The following SEC31B variants were observed in gnomAD, a reference collection of about 807,000 sequenced individuals.
SEC31B encodes the protein protein transport protein Sec31B.
A neutral mutation model predicts 135.0 loss-of-function variants in SEC31B; 113 were observed. The observed-to-expected ratio is 0.84, with a 90% confidence interval of 0.72 to 0.98. The LOEUF is 0.98. Among genes scored for constraint, SEC31B ranks in the 50% least tolerant of loss-of-function variants. The pLI, the probability that SEC31B is intolerant of heterozygous loss-of-function variation, is 0.00. For missense variants in SEC31B, 1,296 were observed against 1,421.1 expected (o/e 0.91, Z 1.42); for synonymous variants, 508 against 549.4 (o/e 0.92, Z 1.05).
In SEC31B at chr10:100,495,466, G is replaced by A. The variant is rs139344402; in HGVS notation, c.2391C>T (p.Pro797=). Residue 797 remains proline (P), a synonymous_variant, in exon 19 of 26, where the codon CCC becomes CCT. Coordinates refer to ENST00000370345, the MANE Select transcript of SEC31B (RefSeq NM_015490.4). The part of the protein sequence containing the change: ...AVLGQQSPPF[P]FPRIVVGATL... ...TAGCTCCCACAACAATCCGGGGGAA[G>A]GGGAAAGGGGGAGACTGTTGGCCCA... is the stretch of plus-strand genomic sequence containing the variant. The A allele has an allele frequency of 6.2e-7, 1 of 1,613,878 alleles. No individual in the cohort carries two copies. Among genetic ancestry groups the A allele is most frequent in the Non-Finnish European group, 8.5e-7 (1 of 1,179,912 alleles).
intron 19 of SEC31B, chr10:100,495,160 C>T: frequency 1.9e-6 from 1 of 524,536 alleles, no homozygotes; most frequent in South Asian, 2.0e-5. Context: ...TATCTTTCGA[C>T]TACACTATGA....
intron 3 of SEC31B, among the ~76,000 whole-genome samples, chr10:100,512,353 T>C (rs1851751685): frequency 6.6e-6 from 1 of 152,196 alleles, no homozygotes; most frequent in African/African-American, 2.4e-5. Context: ...CCTCAGTCGA[T>C]GATATAAACA....
At chr10:100,516,740 T>G in intron 2 of SEC31B, 134 bp downstream of exon 2, 1 of 670,450 alleles carries the variant, frequency 1.5e-6, no homozygotes, top group East Asian at 2.9e-5. Flanking sequence ...AATATCTCCT[T>G]GCTTATGCTG....
At chr10:100,497,097 T>C in intron 17 of SEC31B, 38 bp downstream of exon 17, 1 of 1,603,296 alleles carries the variant, frequency 6.2e-7, no homozygotes, top group Non-Finnish European at 8.5e-7. Context: ...CCTAAGGGCC[T>C]GGTGTGGAGT....
chr10:100,502,864 C>T (rs185878011), intron 10 of SEC31B, among the ~76,000 whole-genome samples: 2 of 152,290 alleles, frequency 1.3e-5, no homozygotes, highest in East Asian at 1.9e-4. Flanking sequence ...ATGCAGGTCC[C>T]CTCCATCCCA....
intron 3 of SEC31B, among the ~76,000 whole-genome samples, chr10:100,513,008 A>C (rs1851762632): frequency 6.6e-6 from 1 of 152,208 alleles, no homozygotes; most frequent in Admixed American, 6.5e-5. Context: ...AGAGAGGAAG[A>C]CAGAAAGCAA....
At position 100,499,166 on chromosome 10, in the gene SEC31B, G is replaced by A; in HGVS notation, c.1578C>T (p.Cys526=). ...DLNSDRQQAF[C]SQASKHTTKE... is the part of the protein sequence containing the mutation. ...GACTGGACTCCTACCACACCTGGCTGCAGAAGGCCTGTTGTCTGTCACTGT... is the reference window on the plus strand; with the variant it reads ...GACTGGACTCCTACCACACCTGGCTACAGAAGGCCTGTTGTCTGTCACTGT... Residue 526 remains cysteine, a synonymous_variant, in exon 13 of 26, where the codon TGC becomes TGT. Transcript: ENST00000370345. 1 of 1,613,766 alleles carries A rather than the reference G, an allele frequency of 6.2e-7. No homozygotes were observed. Among genetic ancestry groups the A allele is most frequent in the Non-Finnish European group, 8.5e-7 (1 of 1,179,724 alleles).
chr10:100,506,498 AT>A, intron 7 of SEC31B, 78 bp from the exon 8 acceptor site: 1 of 1,225,014 alleles, frequency 8.2e-7, no homozygotes. Context: ...TCTTTTATAC[AT>A]TTTATAGGGC....
At chr10:100,498,323 A>G (rs1309208670) in intron 14 of SEC31B, 116 bp from the exon 15 acceptor site, 10 of 1,012,156 alleles carry the variant, frequency 9.9e-6, no homozygotes, top group South Asian at 6.5e-5. Flanking sequence ...GCTTGGCTCC[A>G]AACTAAATCC....
intron 13 of SEC31B, 64 bp downstream of exon 13, chr10:100,499,096 A>G (rs376658171): frequency 7.5e-5 from 101 of 1,342,764 alleles, no homozygotes; most frequent in Non-Finnish European, 6.9e-5. Context: ...CAGGAAGGGA[A>G]AGATGCCCAA....
chr10:100,487,319 G>A lies in SEC31B; in HGVS notation c.*297C>T. On this transcript the variant is annotated 3_prime_UTR_variant, in exon 26 of 26. Transcript: ENST00000370345. Reference sequence around the variant, plus strand: ...GCCACTTAAATAGAAGATCCCTGGGGGAGAAGATATCCTGCCCCAGGTCCT... The same window carrying A: ...GCCACTTAAATAGAAGATCCCTGGGAGAGAAGATATCCTGCCCCAGGTCCT... 1 of 356,618 alleles carries A rather than the reference G, an allele frequency of 2.8e-6. No individual in the cohort carries two copies. The highest frequency in any genetic ancestry group is 3.5e-5 in the South Asian group (1 of 28,922). The allele number at this position is 356,618 out of a possible 1,614,324, so 22.1% of individuals were successfully genotyped here.
In SEC31B at chr10:100,508,063, T is replaced by C; in HGVS notation, c.496-12A>G. 1 of 1,614,078 alleles carries C rather than the reference T, an allele frequency of 6.2e-7. No homozygotes were observed. Among genetic ancestry groups the C allele is most frequent in the Non-Finnish European group, 8.5e-7 (1 of 1,179,970 alleles). ...TCCTCTGGAGGCTGCTAAGGCAGGATGGGGACAGAAAGATGACAACTTGTC... is the reference window on the plus strand; with the variant it reads ...TCCTCTGGAGGCTGCTAAGGCAGGACGGGGACAGAAAGATGACAACTTGTC... On this transcript the variant is annotated splice_polypyrimidine_tract_variant and intron_variant, in intron 5 of 25. Transcript: ENST00000370345.
chr10:100,488,714 A>G, intron 24 of SEC31B, 144 bp downstream of exon 24: 2 of 1,137,230 alleles, frequency 1.8e-6, no homozygotes, highest in South Asian at 4.2e-5. Context: ...CCAGCTCCAC[A>G]TGGACGTCAA....
In SEC31B at chr10:100,489,377, G is replaced by A. The variant is rs1383727831; in HGVS notation, c.3046C>T (p.Pro1016Ser). The change falls in exon 23 of 26, where the codon CCA becomes TCA. Residue 1016 changes from proline to serine, a missense_variant. Pro to Ser is a moderately conservative substitution (Grantham distance 74, BLOSUM62 -1). Coordinates refer to ENST00000370345, the MANE Select transcript of SEC31B (RefSeq NM_015490.4). ...RNKLPETFMP[P>S]APITAPVMSL... ...ATAACTGGAGCAGTAATTGGTGCTG[G>A]GGGCATAAATGTCTCTGGCAGCTAA... 2.5e-6 allele frequency: 4 copies of A among 1,613,868 alleles called. No homozygotes were observed. The highest frequency in any genetic ancestry group is 3.4e-6 in the Non-Finnish European group (4 of 1,179,982).
chr10:100,507,039 G>A (rs1851645831), intron 7 of SEC31B, among the ~76,000 whole-genome samples: 3 of 152,300 alleles, frequency 2.0e-5, no homozygotes, highest in Non-Finnish European at 4.4e-5. Flanking sequence ...GTGGAGGCTG[G>A]ATAGAGGCCT....
chr10:100,515,629 T>C (rs752248762), intron 3 of SEC31B, among the ~76,000 whole-genome samples: 1 of 152,210 alleles, frequency 6.6e-6, no homozygotes, highest in Non-Finnish European at 1.5e-5. Flanking sequence ...CATGTATACA[T>C]GTGCTCAATG....
Position 100,499,585 on chromosome 10 carries a change from T to G in SEC31B, c.1424A>C (p.Gln475Pro), listed in dbSNP as rs767230436. The G allele has an allele frequency of 6.2e-7, 1 of 1,609,934 alleles. No homozygotes were observed. The highest frequency in any genetic ancestry group is 1.7e-5 in the Admixed American group (1 of 59,146). Residue 475 changes from glutamine to proline, a missense_variant, in exon 12 of 26, where the codon CAA (glutamine) becomes CCA (proline). By Grantham distance (76) the Gln-to-Pro change is moderately conservative. Transcript: ENST00000370345. ...CTTTAGGAATTTCATTCTGGAGTCT[T>G]GCTCTAAGGTCACCTAAGAAACCAC... ...LWQFLKVTLE[Q>P]DSRMKFLKLL...
intron 7 of SEC31B, 22 bp from the exon 8 acceptor site, chr10:100,506,442 A>G (rs766541652): frequency 6.2e-7 from 1 of 1,611,706 alleles, no homozygotes; most frequent in Non-Finnish European, 8.5e-7. Context: ...AGGGAAGAGG[A>G]ACTAGCATTT....
At chr10:100,514,495 T>G (rs1851790615) in intron 3 of SEC31B, among the ~76,000 whole-genome samples, 1 of 151,426 alleles carries the variant, frequency 6.6e-6, no homozygotes, top group Non-Finnish European at 1.5e-5. Context: ...CTAATCATCA[T>G]CAGTAAATCC....
Sources: gnomAD v4.1 joint callset for allele counts (sites outside exome capture counted in the v4.1 genomes callset) on GRCh38, gnomAD v4.1.1 for gene constraint, MANE v1.5 for transcripts, NCBI Gene and HGNC (gene_info 2026-07-23, HGNC 2026-07-21) for gene names.